RASGEF1C: variants seen among roughly 807,000 people sequenced by gnomAD.
The protein encoded by RASGEF1C is RasGEF domain family member 1C, also known as ras-GEF domain-containing family member 1C.
RASGEF1C carries 27 observed loss-of-function variants against 58.1 expected under a neutral mutation model. The observed-to-expected ratio is 0.46, with a 90% CI of 0.34 to 0.64. The LOEUF is 0.64. Among genes scored for constraint, RASGEF1C ranks in the 30% least tolerant of loss-of-function variants. The pLI, the probability that RASGEF1C is intolerant of heterozygous loss-of-function variation, is 0.01. For missense variants in RASGEF1C, 502 were observed against 605.1 expected, an observed-to-expected ratio of 0.83 and a Z score of 1.79; for synonymous variants, 243 against 246.3, an observed-to-expected ratio of 0.99 and a Z score of 0.13.
intron 6 of RASGEF1C, among the ~76,000 whole-genome samples, chr5:180,124,231 CAAA>C (rs11292353): frequency 8.9e-5 from 12 of 134,864 alleles, no homozygotes; most frequent in Non-Finnish European, 1.1e-4. Flanking sequence ...GACTCTGTCT[CAAA>C]AAAAAAAAAA....
rs1707057533 is a variant in RASGEF1C at position 180,209,110 on chromosome 5, C to CCG, written c.-90_-89insCG. ...CTCGGCGCCGCGGACCGGGGCGCCG[C>CCG]CCGCCGCCGCCGCCGCCGCCGCCGC... On this transcript the variant is annotated 5_prime_UTR_variant, in exon 1 of 14. Transcript: ENST00000361132. The CCG allele has an allele frequency of 6.9e-6, 1 of 144,578 alleles. No homozygotes were observed. Among genetic ancestry groups the CCG allele is most frequent in the Non-Finnish European group, 1.5e-5 (1 of 65,094 alleles). 9.0% of individuals were successfully genotyped at this position (144,578 alleles called of 1,614,324 possible). A position where few individuals can be genotyped will look rare whatever the true frequency, so the allele number is the denominator to read the frequency against.
intron 1 of RASGEF1C, among the ~76,000 whole-genome samples, chr5:180,148,677 A>C (rs761493580): frequency 3.9e-5 from 6 of 152,208 alleles, no homozygotes; most frequent in Non-Finnish European, 7.3e-5. Flanking sequence ...TATTATGTTC[A>C]AAAGCACAGA....
At chr5:180,182,120 GC>G (rs1767345464) in intron 1 of RASGEF1C, among the ~76,000 whole-genome samples, 1 of 149,794 alleles carries the variant, frequency 6.7e-6, no homozygotes, top group South Asian at 2.1e-4. Flanking sequence ...CAGGAGAATG[GC>G]GGGAACCCGG....
At chr5:180,185,955 A>G (rs1383769451) in intron 1 of RASGEF1C, among the ~76,000 whole-genome samples, 1 of 151,908 alleles carries the variant, frequency 6.6e-6, no homozygotes, top group Non-Finnish European at 1.5e-5. Flanking sequence ...AAAATTAGCC[A>G]GGCATGGTGG....
chr5:180,205,712 ATAATATTAT>A (rs1321069265), intron 1 of RASGEF1C, among the ~76,000 whole-genome samples: 4 of 73,776 alleles, frequency 5.4e-5, no homozygotes, highest in Admixed American at 1.8e-4. Context: ...TGCCATTATT[ATAATATTAT>A]TATTATTATT....
intron 6 of RASGEF1C, 77 bp from the exon 7 acceptor site, chr5:180,121,226 T>C: frequency 1.0e-6 from 1 of 992,444 alleles, no homozygotes; most frequent in East Asian, 2.4e-5. Context: ...AGTCAGTTCA[T>C]GATCCTTACG....
chr5:180,171,327 C>A (rs1008611328), intron 1 of RASGEF1C, among the ~76,000 whole-genome samples: 1 of 151,906 alleles, frequency 6.6e-6, no homozygotes, highest in African/African-American at 2.4e-5. Context: ...ACCCCAGAGG[C>A]CACAGCAGCA....
In RASGEF1C at chr5:180,159,146, A is replaced by ATT. The variant is rs200173451; in HGVS notation, c.-6-21090_-6-21089dup. On this transcript the variant is annotated intron_variant, in intron 1 of 13. Transcript: ENST00000361132. ...AAGTTTTTTTTTAATTTTTTAATTA[A>ATT]TTTTTTTTTTTGAGGCAGAATCTCA... Among the ~76,000 whole-genome samples, 171 of 146,812 alleles carry ATT rather than the reference A, an allele frequency of 1.2e-3. 1 individual carries two copies. Among genetic ancestry groups the ATT allele is most frequent in the Middle Eastern group, 3.5e-3 (1 of 286 alleles).
At chr5:180,161,145 G>A (rs142928390) in intron 1 of RASGEF1C, among the ~76,000 whole-genome samples, 143 of 152,348 alleles carry the variant, frequency 9.4e-4, no homozygotes, top group Non-Finnish European at 1.6e-3. Flanking sequence ...TCTTCTTCTG[G>A]ACCTTGGAGA....
chr5:180,121,859 C>T (rs563977754), intron 6 of RASGEF1C, among the ~76,000 whole-genome samples: 7 of 152,316 alleles, frequency 4.6e-5, no homozygotes, highest in South Asian at 4.1e-4. Context: ...TGCTTTGTCC[C>T]GCATCACACG....
intron 1 of RASGEF1C, among the ~76,000 whole-genome samples, chr5:180,206,197 G>A (rs961715664): frequency 6.6e-6 from 1 of 152,198 alleles, no homozygotes; most frequent in African/African-American, 2.4e-5. Context: ...CTGGAGGAAA[G>A]ATGACCTTTT....
At chr5:180,163,251 TTCC>T (rs1185533851) in intron 1 of RASGEF1C, among the ~76,000 whole-genome samples, 1,198 of 59,866 alleles carry the variant, frequency 0.02, 130 homozygotes, top group African/African-American at 0.057. Flanking sequence ...TTTTTTTTTT[TTCC>T]AGCCTATTGC....
At chr5:180,115,641 G>A (rs976872148) in intron 10 of RASGEF1C, among the ~76,000 whole-genome samples, 5 of 152,142 alleles carry the variant, frequency 3.3e-5, no homozygotes, top group Non-Finnish European at 5.9e-5. Context: ...TCAAGCCTGC[G>A]TGCCTCACTG....
intron 12 of RASGEF1C, among the ~76,000 whole-genome samples, chr5:180,109,232 G>A (rs1354326217): frequency 2.0e-5 from 3 of 152,052 alleles, no homozygotes; most frequent in Non-Finnish European, 4.4e-5. Context: ...TGAGGCGGGT[G>A]GATCATGAGG....
At chr5:180,182,138 G>C (rs1463577968) in intron 1 of RASGEF1C, among the ~76,000 whole-genome samples, 1 of 143,508 alleles carries the variant, frequency 7.0e-6, no homozygotes, top group Non-Finnish European at 1.5e-5. Context: ...CCGGGAGGTG[G>C]AGCTTGCAGT....
chr5:180,119,912 C>G (rs898039345), intron 7 of RASGEF1C, among the ~76,000 whole-genome samples: 3 of 152,216 alleles, frequency 2.0e-5, no homozygotes, highest in African/African-American at 7.2e-5. Context: ...AAACCCTTGT[C>G]TGTGGCCAGG....
intron 1 of RASGEF1C, among the ~76,000 whole-genome samples, chr5:180,165,303 T>C (rs1252511257): frequency 1.3e-5 from 2 of 152,258 alleles, no homozygotes; most frequent in Non-Finnish European, 2.9e-5. Context: ...TATTGTTTTA[T>C]TTTATTAAAT....
chr5:180,148,322 GA>G (rs1328301043), intron 1 of RASGEF1C, among the ~76,000 whole-genome samples: 1 of 152,004 alleles, frequency 6.6e-6, no homozygotes, highest in African/African-American at 2.4e-5. Flanking sequence ...TTTGACTAGA[GA>G]GTGTAATCTA....
At chr5:180,161,553 C>T (rs1766944277) in intron 1 of RASGEF1C, among the ~76,000 whole-genome samples, 1 of 152,252 alleles carries the variant, frequency 6.6e-6, no homozygotes, top group African/African-American at 2.4e-5. Context: ...GTCCTGGACG[C>T]CAGCCCAGGG....
Sources: gnomAD v4.1 joint callset for allele counts (sites outside exome capture counted in the v4.1 genomes callset) on GRCh38, gnomAD v4.1.1 for gene constraint, MANE v1.5 for transcripts, NCBI Gene and HGNC (gene_info 2026-07-23, HGNC 2026-07-21) for gene names.